Variants in DCLK2 observed in about 807,000 individuals in gnomAD.
DCLK2 encodes the protein serine/threonine-protein kinase DCLK2.
DCLK2 carries 31 observed loss-of-function variants against 78.4 expected under a neutral mutation model. That is an observed-to-expected ratio of 0.40 (90% CI 0.30 to 0.53). The LOEUF (loss-of-function observed/expected upper bound fraction) is 0.53, where lower values mean the gene tolerates loss of function less well. Among genes scored for constraint, DCLK2 ranks in the 20% least tolerant of loss-of-function variants. The probability of loss-of-function intolerance (pLI) is 0.61; values close to 1 mark genes in which losing one functional copy is unlikely to be tolerated. For missense variants in DCLK2, 872 were observed against 973.7 expected, an observed-to-expected ratio of 0.90 and a Z score of 1.39; for synonymous variants, 407 against 374.9, an observed-to-expected ratio of 1.09 and a Z score of -0.99.
At chr4:150,171,630 TG>T (rs1195779164) in intron 2 of DCLK2, among the ~76,000 whole-genome samples, 2 of 152,100 alleles carry the variant, frequency 1.3e-5, no homozygotes, top group Non-Finnish European at 2.9e-5. Flanking sequence ...TTAACTGGAG[TG>T]GGCCTTCTTG....
intron 2 of DCLK2, among the ~76,000 whole-genome samples, chr4:150,104,711 A>G (rs963381657): frequency 2.0e-5 from 3 of 152,086 alleles, no homozygotes; most frequent in African/African-American, 7.2e-5. Context: ...AAGGCCTTTG[A>G]TAAAATACTC....
At chr4:150,128,289 A>G (rs1442711739) in intron 2 of DCLK2, among the ~76,000 whole-genome samples, 2 of 152,148 alleles carry the variant, frequency 1.3e-5, no homozygotes, top group African/African-American at 4.8e-5. Flanking sequence ...GGATATAAAG[A>G]GGAAAGATAT....
At chr4:150,102,055 T>A (rs1016665822) in intron 1 of DCLK2, among the ~76,000 whole-genome samples, 1 of 152,230 alleles carries the variant, frequency 6.6e-6, no homozygotes, top group African/African-American at 2.4e-5. Flanking sequence ...TATTTCTTTA[T>A]AGCAATATGT....
At chr4:150,153,181 A>G (rs767300952) in intron 2 of DCLK2, among the ~76,000 whole-genome samples, 8 of 152,158 alleles carry the variant, frequency 5.3e-5, no homozygotes, top group Non-Finnish European at 7.4e-5. Flanking sequence ...CACCATTGCT[A>G]TGCATGCTTG....
chr4:150,151,708 A>C (rs1182002309), intron 2 of DCLK2, among the ~76,000 whole-genome samples: 1 of 152,050 alleles, frequency 6.6e-6, no homozygotes, highest in Non-Finnish European at 1.5e-5. Flanking sequence ...GTAGATCACC[A>C]GAGGTCAGGA....
chr4:150,183,953 C>T (rs1049373807), intron 2 of DCLK2, among the ~76,000 whole-genome samples: 1 of 151,828 alleles, frequency 6.6e-6, no homozygotes, highest in Non-Finnish European at 1.5e-5. Flanking sequence ...AGGCTGGTCT[C>T]GAACTCCTGA....
At chr4:150,080,819 C>G (rs1330361212) in intron 1 of DCLK2, among the ~76,000 whole-genome samples, 1 of 152,166 alleles carries the variant, frequency 6.6e-6, no homozygotes, top group Non-Finnish European at 1.5e-5. Flanking sequence ...CTGCCTAGAA[C>G]GCGACCCAGC....
At chr4:150,165,465 T>C (rs1055446152) in intron 2 of DCLK2, among the ~76,000 whole-genome samples, 2 of 152,038 alleles carry the variant, frequency 1.3e-5, no homozygotes, top group African/African-American at 4.8e-5. Flanking sequence ...TTGCTAAAGA[T>C]TGCTTTTAAA....
intron 15 of DCLK2, among the ~76,000 whole-genome samples, chr4:150,252,977 A>G (rs1744286447): frequency 6.6e-6 from 1 of 152,142 alleles, no homozygotes; most frequent in African/African-American, 2.4e-5. Flanking sequence ...TGTCCCAAAA[A>G]GTGGGAGGGG....
At chr4:150,227,719 TATTGA>T (rs1031654921) in intron 8 of DCLK2, among the ~76,000 whole-genome samples, 6 of 152,242 alleles carry the variant, frequency 3.9e-5, no homozygotes, top group African/African-American at 4.8e-5. Context: ...AATAAATATC[TATTGA>T]ATTCCCACAG....
intron 5 of DCLK2, among the ~76,000 whole-genome samples, chr4:150,218,688 C>A (rs1467871102): frequency 6.6e-6 from 1 of 152,164 alleles, no homozygotes; most frequent in Non-Finnish European, 1.5e-5. Flanking sequence ...CCATGCCTGA[C>A]CCAGCTGCCT....
chr4:150,227,452 A>G (rs932245993), intron 8 of DCLK2, among the ~76,000 whole-genome samples: 41 of 152,190 alleles, frequency 2.7e-4, no homozygotes, highest in African/African-American at 7.5e-4. Flanking sequence ...TGAAGATGCT[A>G]TAGAGGAAGA....
chr4:150,080,111 G>GCGCCC (rs1553950647), intron 1 of DCLK2, among the ~76,000 whole-genome samples: 6 of 129,620 alleles, frequency 4.6e-5, no homozygotes, highest in Middle Eastern at 8.3e-3. Context: ...AGTCTCAAAA[G>GCGCCC]CCCCCCCCCC....
intron 1 of DCLK2, among the ~76,000 whole-genome samples, chr4:150,099,209 C>T (rs1166721386): frequency 6.6e-6 from 1 of 152,168 alleles, no homozygotes; most frequent in Non-Finnish European, 1.5e-5. Flanking sequence ...TGCATAGTAT[C>T]TAACCAAGAA....
chr4:150,229,770 T>G (rs1212535472), intron 8 of DCLK2, among the ~76,000 whole-genome samples: 1 of 152,192 alleles, frequency 6.6e-6, no homozygotes, highest in East Asian at 1.9e-4. Flanking sequence ...ATGATTCATA[T>G]GTAAATTATT....
At chr4:150,204,905 T>A (rs13140175) in intron 5 of DCLK2, among the ~76,000 whole-genome samples, 66,813 of 150,244 alleles carry the variant, frequency 0.44, 16,164 homozygotes, top group Non-Finnish European at 0.56. Flanking sequence ...AAAAAAAAAA[T>A]GGAATTTCCT....
At chr4:150,122,284 C>G (rs1732605058) in intron 2 of DCLK2, among the ~76,000 whole-genome samples, 1 of 152,144 alleles carries the variant, frequency 6.6e-6, no homozygotes, top group Non-Finnish European at 1.5e-5. Context: ...ATAAATCATT[C>G]TACTATAAAG....
chr4:150,178,797 C>T (rs1335373187), intron 2 of DCLK2, among the ~76,000 whole-genome samples: 1 of 152,100 alleles, frequency 6.6e-6, no homozygotes, highest in Non-Finnish European at 1.5e-5. Flanking sequence ...CTAATCAAAG[C>T]CTCTAACTTT....
chr4:150,238,897 A>G (rs1207986838), intron 10 of DCLK2, among the ~76,000 whole-genome samples: 2 of 152,086 alleles, frequency 1.3e-5, no homozygotes, highest in South Asian at 2.1e-4. Context: ...TTTCCCCTAT[A>G]TCATATTTGT....
Sources: allele counts gnomAD v4.1 joint callset (sites outside exome capture counted in the v4.1 genomes callset), GRCh38; gene constraint gnomAD v4.1.1; transcripts MANE v1.5; gene names NCBI Gene and HGNC (gene_info 2026-07-23, HGNC 2026-07-21).